Variants in CDH10 observed in about 807,000 individuals in gnomAD.
CDH10 encodes cadherin-10.
In CDH10, 30 loss-of-function variants were observed where a neutral mutation model predicts 73.1. The ratio of observed to expected loss-of-function variants is 0.41; its 90% CI spans 0.31 to 0.56. The LOEUF is 0.56. Ranked by LOEUF, CDH10 falls within the 20% of genes least tolerant of loss-of-function variation. The pLI, the probability that CDH10 is intolerant of heterozygous loss-of-function variation, is 0.27. For synonymous variants in CDH10, 345 were observed against 348.2 expected (o/e 0.99, Z 0.10); for missense variants, 815 against 973.7 (o/e 0.84, Z 2.17).
Position 24,505,165 on chromosome 5 carries a change from A to G in CDH10, c.1340T>C (p.Leu447Pro). ...GNGSLYTSKP[L>P]DRELSQWHNL... is the part of the protein sequence containing the mutation. Reference sequence around the variant, plus strand: ...ATGCCACTGAGATAGTTCACGGTCAAGAGGTTTTGATGTATAAAGAGATCC... The same window carrying G: ...ATGCCACTGAGATAGTTCACGGTCAGGAGGTTTTGATGTATAAAGAGATCC... The change falls in exon 8 of 12, where the codon CTT (leucine) becomes CCT (proline). Residue 447 changes from leucine to proline, a missense_variant. Leu to Pro is a moderately conservative substitution (Grantham distance 98). This residue lies in a region of CDH10 where 516 missense variants were observed against 636.6 expected (regional missense o/e 0.81). Transcript: ENST00000264463. 6.2e-7 allele frequency: 1 copy of G among 1,612,522 alleles called. No homozygotes were observed. Among genetic ancestry groups the G allele is most frequent in the East Asian group, 2.2e-5 (1 of 44,788 alleles).
chr5:24,569,662 T>C (rs1745296454), intron 2 of CDH10, among the ~76,000 whole-genome samples: 1 of 152,154 alleles, frequency 6.6e-6, no homozygotes, highest in African/African-American at 2.4e-5. Flanking sequence ...TAAAATAAAA[T>C]TTTAGCAGAT....
At chr5:24,580,239 A>C (rs1411186208) in intron 2 of CDH10, among the ~76,000 whole-genome samples, 1 of 151,976 alleles carries the variant, frequency 6.6e-6, no homozygotes, top group African/African-American at 2.4e-5. Flanking sequence ...AGATTATTAT[A>C]TAGACTATAT....
chr5:24,532,944 T>A (rs568241847), intron 5 of CDH10, among the ~76,000 whole-genome samples: 1 of 152,072 alleles, frequency 6.6e-6, no homozygotes, highest in African/African-American at 2.4e-5. Context: ...ACATTCAATA[T>A]GAAATACAAT....
At chr5:24,512,127 C>A (rs1206538949) in intron 5 of CDH10, among the ~76,000 whole-genome samples, 2 of 152,018 alleles carry the variant, frequency 1.3e-5, no homozygotes, top group African/African-American at 2.4e-5. Flanking sequence ...GCACATGTAC[C>A]CCTGAACCTA....
At chr5:24,549,848 A>G (rs1213303964) in intron 2 of CDH10, among the ~76,000 whole-genome samples, 1 of 152,092 alleles carries the variant, frequency 6.6e-6, no homozygotes, top group Non-Finnish European at 1.5e-5. Context: ...CACTGCACCC[A>G]ACCTGGAATG....
rs369935317 is a variant in CDH10 at position 24,579,232 on chromosome 5, G to C, written c.231+14028C>G. On this transcript the variant is annotated intron_variant, in intron 2 of 11. Transcript: ENST00000264463. ...GATACTTTATAATTAAGAGTAAAAT[G>C]GTAAACATTTTCTCTGAAACCAGGA... 2.0e-5 allele frequency among the ~76,000 whole-genome samples: 3 copies of C among 151,488 alleles called. No individual in the cohort carries two copies. In the East Asian group the frequency reaches 5.8e-4, roughly 29 times the overall value.
At chr5:24,573,178 C>T (rs950406720) in intron 2 of CDH10, among the ~76,000 whole-genome samples, 2 of 150,912 alleles carry the variant, frequency 1.3e-5, no homozygotes, top group Non-Finnish European at 2.9e-5. Context: ...AAATAGAGCT[C>T]GGGAAAAAAT....
rs1384393892 is a variant in CDH10, at chr5:24,537,583, G to A, written c.323C>T (p.Thr108Ile). The change falls in exon 3 of 12, where the codon ACA becomes ATA. Residue 108 changes from threonine (T) to isoleucine (I), a missense_variant. By Grantham distance (89) the Thr-to-Ile change is moderately conservative (BLOSUM62 -1). Transcript: ENST00000264463. ...TCGCCTTGTGGCATGAATATCACCT[G>A]TTTTTTCATCAATAATAAAAAGAGT... ...AGTLFIIDEK[T>I]GDIHATRRID... The A allele has an allele frequency of 6.2e-7, 1 of 1,608,746 alleles. No homozygotes were observed. Among genetic ancestry groups the A allele is most frequent in the Non-Finnish European group, 8.5e-7 (1 of 1,175,566 alleles).
At chr5:24,599,783 G>C (rs1053836898) in intron 1 of CDH10, among the ~76,000 whole-genome samples, 2 of 152,050 alleles carry the variant, frequency 1.3e-5, no homozygotes, top group African/African-American at 4.8e-5. Context: ...TTTGTGGCAC[G>C]TATTTGTGAG....
At chr5:24,543,421 G>C (rs958280272) in intron 2 of CDH10, among the ~76,000 whole-genome samples, 8 of 152,090 alleles carry the variant, frequency 5.3e-5, no homozygotes, top group African/African-American at 1.7e-4. Context: ...TTCAGTATCT[G>C]AGTCAAACAA....
At chr5:24,512,092 A>T (rs533715268) in intron 5 of CDH10, among the ~76,000 whole-genome samples, 42 of 152,182 alleles carry the variant, frequency 2.8e-4, no homozygotes, top group Non-Finnish European at 4.1e-4. Context: ...CCCCCGTGAC[A>T]CAAGTTTACC....
chr5:24,490,039 T>C (rs1435196728), intron 11 of CDH10, among the ~76,000 whole-genome samples: 1 of 152,132 alleles, frequency 6.6e-6, no homozygotes, highest in Non-Finnish European at 1.5e-5. Context: ...GCCAGACATT[T>C]TTTTGTCAAG....
intron 2 of CDH10, among the ~76,000 whole-genome samples, chr5:24,563,577 C>T (rs1174883121): frequency 3.8e-5 from 5 of 131,504 alleles, no homozygotes; most frequent in Non-Finnish European, 7.9e-5. Flanking sequence ...CACGGTGAAA[C>T]CCCGTCTCTA....
intron 5 of CDH10, among the ~76,000 whole-genome samples, chr5:24,525,315 A>C (rs1437507311): frequency 6.6e-6 from 1 of 152,082 alleles, no homozygotes; most frequent in Non-Finnish European, 1.5e-5. Flanking sequence ...CTACTTCTCC[A>C]GAGTTGAGAT....
At chr5:24,613,657 T>C (rs575804522) in intron 1 of CDH10, among the ~76,000 whole-genome samples, 56 of 152,190 alleles carry the variant, frequency 3.7e-4, no homozygotes, top group Middle Eastern at 3.4e-3. Flanking sequence ...CCTAGGACAC[T>C]GTGGCAATTG....
At chr5:24,640,028 T>C (rs1747993950) in intron 1 of CDH10, among the ~76,000 whole-genome samples, 1 of 151,776 alleles carries the variant, frequency 6.6e-6, no homozygotes, top group Non-Finnish European at 1.5e-5. Context: ...TGCTTTCATT[T>C]AAAAGAATAG....
chr5:24,541,037 G>T (rs892281399), intron 2 of CDH10, among the ~76,000 whole-genome samples: 1 of 152,010 alleles, frequency 6.6e-6, no homozygotes, highest in East Asian at 1.9e-4. Context: ...GTCAAGATCT[G>T]TTCTTCCTGT....
At chr5:24,560,291 T>G (rs980693753) in intron 2 of CDH10, among the ~76,000 whole-genome samples, 2 of 151,730 alleles carry the variant, frequency 1.3e-5, no homozygotes, top group African/African-American at 4.8e-5. Context: ...GCATGCTTCC[T>G]GCATATTAAA....
At chr5:24,631,487 C>T (rs922371721) in intron 1 of CDH10, among the ~76,000 whole-genome samples, 1 of 151,902 alleles carries the variant, frequency 6.6e-6, no homozygotes, top group African/African-American at 2.4e-5. Context: ...TACAGGCATG[C>T]AGATCAGCTC....
Sources: gnomAD v4.1 joint callset for allele counts (sites outside exome capture counted in the v4.1 genomes callset) on GRCh38, gnomAD v4.1.1 for gene constraint, gnomAD v4.1.1 regional missense constraint, MANE v1.5 for transcripts, NCBI Gene and HGNC (gene_info 2026-07-23, HGNC 2026-07-21) for gene names.